Variants in CWC22 observed in about 807,000 individuals in gnomAD.
CWC22 encodes CWC22 spliceosome associated protein.
In CWC22, 53 loss-of-function variants were observed where a neutral mutation model predicts 117.2. The observed-to-expected ratio is 0.45, with a 90% CI of 0.36 to 0.57. CWC22 has a LOEUF of 0.57. Among genes scored for constraint, CWC22 ranks in the 20% least tolerant of loss-of-function variants. The probability of loss-of-function intolerance (pLI) is 0.00; values close to 1 mark genes in which losing one functional copy is unlikely to be tolerated. For missense variants in CWC22, 980 were observed against 1,068.8 expected (o/e 0.92, Z 1.16); for synonymous variants, 360 against 355.6 (o/e 1.01, Z -0.14).
chr2:179,950,272 A>T (rs767822418), intron 19 of CWC22, among the ~76,000 whole-genome samples: 2 of 152,176 alleles, frequency 1.3e-5, no homozygotes, highest in Non-Finnish European at 2.9e-5. Context: ...TCACTCAGAT[A>T]AGTATCTGCG....
intron 1 of CWC22, among the ~76,000 whole-genome samples, chr2:180,001,320 AT>A (rs1307992794): frequency 6.7e-5 from 10 of 148,874 alleles, no homozygotes; most frequent in African/African-American, 2.2e-4. Flanking sequence ...GATGCCTCTA[AT>A]TTTTTTTTCT....
intron 11 of CWC22, 41 bp downstream of exon 11, chr2:179,970,460 C>T (rs1410208300): frequency 1.9e-5 from 28 of 1,455,072 alleles, no homozygotes; most frequent in South Asian, 3.9e-5. Context: ...TAAATTGCTT[C>T]TACTTATCCA....
chr2:179,987,488 AGTTTTTTGTTT>A (rs1308375655), intron 3 of CWC22, among the ~76,000 whole-genome samples: 11 of 152,174 alleles, frequency 7.2e-5, no homozygotes, highest in African/African-American at 2.4e-4. Context: ...GTGTGTAAAG[AGTTTTTTGTTT>A]GTTTTTTGTT....
intron 5 of CWC22, among the ~76,000 whole-genome samples, chr2:179,980,753 A>C (rs1472604360): frequency 6.6e-6 from 1 of 152,126 alleles, no homozygotes; most frequent in African/African-American, 2.4e-5. Flanking sequence ...ATTGCTACTA[A>C]AACACTCATG....
At chr2:179,984,244 T>G (rs570914242) in intron 4 of CWC22, among the ~76,000 whole-genome samples, 1 of 152,202 alleles carries the variant, frequency 6.6e-6, no homozygotes, top group Admixed American at 6.5e-5. Flanking sequence ...TCAGGTAAGC[T>G]ACTTAATAAA....
At chr2:179,999,362 C>A (rs556186041) in intron 1 of CWC22, among the ~76,000 whole-genome samples, 1 of 152,198 alleles carries the variant, frequency 6.6e-6, no homozygotes, top group East Asian at 1.9e-4. Flanking sequence ...AGCAACTCAA[C>A]AAAACCACAC....
rs1237340192 is a variant in CWC22, at chr2:179,945,151, T to C, written c.2705A>G (p.Lys902Arg). ...SKKNQDRRRE[K>R]SPAKQK The stretch of plus-strand genomic sequence containing the variant: ...GAATTATTTTTGTTTTGCTGGAGAC[T>C]TTTCTCTTCGCCGGTCCTGATTTTT... The change falls in exon 20 of 20, where the codon AAG (lysine) becomes AGG (arginine). Residue 902 changes from lysine to arginine, a missense_variant. Physicochemically the swap from Lys to Arg is conservative, Grantham distance 26 (BLOSUM62 2). Coordinates refer to ENST00000410053, the MANE Select transcript of CWC22 (RefSeq NM_020943.3). The C allele has an allele frequency of 6.2e-7, 1 of 1,600,236 alleles. No homozygotes were observed. The highest frequency in any genetic ancestry group is 2.2e-5 in the East Asian group (1 of 44,782).
intron 1 of CWC22, among the ~76,000 whole-genome samples, chr2:180,002,820 A>G (rs1687878548): frequency 6.6e-6 from 1 of 152,238 alleles, no homozygotes; most frequent in Non-Finnish European, 1.5e-5. Context: ...ACTCAGAGAC[A>G]GAGAATTTGG....
rs200288870 is a variant in CWC22 at position 179,950,553 on chromosome 2, T to C, written c.2099A>G (p.Glu700Gly). 300 of 1,613,026 alleles carry C rather than the reference T, an allele frequency of 1.9e-4. No individual in the cohort carries two copies. The highest frequency in any genetic ancestry group is 2.5e-4 in the Non-Finnish European group (292 of 1,179,386). ...SDSSSESSSE[E>G]SDSSSISSHS... ...ACTACTGATGGATGAAGAGTCGCTC[T>C]CTTCACTGGAAGACTCTGAACTGCT... Residue 700 changes from glutamate (E) to glycine (G), a missense_variant, in exon 19 of 20, where the codon GAG becomes GGG. Glu to Gly is a moderately conservative substitution (Grantham distance 98). This residue lies in a region of CWC22 where 306 missense variants were observed against 296.8 expected (regional missense o/e 1.03). Transcript: ENST00000410053.
intron 17 of CWC22, 74 bp downstream of exon 17, chr2:179,952,397 A>G (rs1214574392): frequency 9.2e-7 from 1 of 1,088,988 alleles, no homozygotes; most frequent in African/African-American, 1.6e-5. Flanking sequence ...ACAGTCTCGG[A>G]TGGGCTTATG....
intron 18 of CWC22, 31 bp from the exon 19 acceptor site, chr2:179,950,763 T>A (rs1472005700): frequency 6.2e-7 from 1 of 1,605,274 alleles, no homozygotes. Context: ...TTAGATTCTA[T>A]TTCAAAGACA....
chr2:179,954,315 C>T lies in CWC22; in HGVS notation c.1579G>A (p.Gly527Ser). The T allele has an allele frequency of 6.2e-7, 1 of 1,600,828 alleles. No homozygotes were observed. The highest frequency in any genetic ancestry group is 1.1e-5 in the South Asian group (1 of 90,050). Residue 527 changes from glycine (G) to serine (S), a missense_variant, in exon 16 of 20, where the codon GGT becomes AGT. Transcript: ENST00000410053. ...LKKEYMESFE[G>S]IFKEQYDTIH... ...GTATCATACTGTTCTTTGAATATAC[C>T]TTCAAAGGATTCCATGTACTCTTTC...
intron 19 of CWC22, among the ~76,000 whole-genome samples, chr2:179,947,832 G>C (rs1298259024): frequency 6.6e-6 from 1 of 152,136 alleles, no homozygotes; most frequent in Non-Finnish European, 1.5e-5. Flanking sequence ...TTCAATTTAA[G>C]GCTACAGAGG....
At chr2:179,999,537 C>G (rs564194125) in intron 1 of CWC22, among the ~76,000 whole-genome samples, 1 of 152,222 alleles carries the variant, frequency 6.6e-6, no homozygotes, top group South Asian at 2.1e-4. Context: ...ACTGTGAATT[C>G]TGCAATCATC....
chr2:179,951,689 A>C (rs560264685), intron 17 of CWC22, among the ~76,000 whole-genome samples: 170 of 152,180 alleles, frequency 1.1e-3, no homozygotes, highest in African/African-American at 3.9e-3. Flanking sequence ...TGCTGAAGAG[A>C]GAGAAGACGA....
chr2:179,969,695 T>A (rs1686982415), intron 11 of CWC22, among the ~76,000 whole-genome samples: 2 of 152,204 alleles, frequency 1.3e-5, no homozygotes, highest in Non-Finnish European at 2.9e-5. Flanking sequence ...TTTTGGGGTT[T>A]AATACAAAGG....
intron 8 of CWC22, among the ~76,000 whole-genome samples, chr2:179,971,326 T>C (rs1687025835): frequency 6.6e-6 from 1 of 152,184 alleles, no homozygotes; most frequent in Non-Finnish European, 1.5e-5. Context: ...TGAATACAAC[T>C]ATTTGAATTA....
chr2:179,995,872 G>C (rs913010523), intron 1 of CWC22, among the ~76,000 whole-genome samples: 2 of 152,236 alleles, frequency 1.3e-5, no homozygotes, highest in Non-Finnish European at 2.9e-5. Context: ...TGAAGAACAA[G>C]AGGACAGAGT....
At chr2:179,970,467 T>C in intron 11 of CWC22, 34 bp downstream of exon 11, 2 of 1,479,408 alleles carry the variant, frequency 1.4e-6, no homozygotes, top group South Asian at 1.3e-5. Flanking sequence ...CTTCTACTTA[T>C]CCAAACTAAA....
Sources: allele counts gnomAD v4.1 joint callset (sites outside exome capture counted in the v4.1 genomes callset), GRCh38; gene constraint gnomAD v4.1.1; regional missense constraint gnomAD v4.1.1; transcripts MANE v1.5; gene names NCBI Gene and HGNC (gene_info 2026-07-23, HGNC 2026-07-21).